Variants in IMMP2L observed in about 807,000 individuals in gnomAD.
IMMP2L encodes the protein mitochondrial inner membrane protease subunit 2.
A neutral mutation model predicts 19.3 loss-of-function variants in IMMP2L; 18 were observed. The observed-to-expected ratio is 0.93, with a 90% confidence interval of 0.64 to 1.38. IMMP2L has a LOEUF of 1.38. Ranked by LOEUF, IMMP2L falls within the 40% of genes most tolerant of loss-of-function variation. The probability of loss-of-function intolerance (pLI) is 0.00; values close to 1 mark genes in which losing one functional copy is unlikely to be tolerated. For missense variants in IMMP2L, 233 were observed against 218.2 expected (o/e 1.07, Z -0.43); for synonymous variants, 76 against 73.0 (o/e 1.04, Z -0.21).
intron 3 of IMMP2L, among the ~76,000 whole-genome samples, chr7:111,433,489 C>T (rs1836841707): frequency 6.6e-6 from 1 of 151,698 alleles, no homozygotes; most frequent in African/African-American, 2.4e-5. Flanking sequence ...ACCATCAGAT[C>T]CTGTGAGAGT....
chr7:111,144,613 A>C lies in IMMP2L; in HGVS notation c.240-181048T>G, dbSNP rs945730614. ...ACTTACGCTTATTTAAGAGTTGCTG[A>C]GTTAAAACATATTAAATCCACGGGG... On this transcript the variant is annotated intron_variant, in intron 3 of 5. Transcript: ENST00000405709. Among the ~76,000 whole-genome samples the C allele has an allele frequency of 1.2e-4, 18 of 152,128 alleles. No individual in the cohort carries two copies. The East Asian group carries it at 1.5e-3, about 13-fold the overall frequency.
intron 2 of IMMP2L, among the ~76,000 whole-genome samples, chr7:111,512,979 GAAACTGT>G (rs1845583343): frequency 1.3e-5 from 2 of 152,080 alleles, no homozygotes; most frequent in East Asian, 3.9e-4. Context: ...GATGATGCCT[GAAACTGT>G]AAAACTACCT....
intron 5 of IMMP2L, among the ~76,000 whole-genome samples, chr7:110,862,213 AT>A (rs199690561): frequency 6.6e-6 from 1 of 151,366 alleles, no homozygotes; most frequent in Non-Finnish European, 1.5e-5. Flanking sequence ...TTTAAAGTCA[AT>A]TTTTTTTAAT....
At chr7:111,325,261 T>C (rs1035238560) in intron 3 of IMMP2L, among the ~76,000 whole-genome samples, 6 of 151,758 alleles carry the variant, frequency 4.0e-5, no homozygotes, top group Non-Finnish European at 7.4e-5. Context: ...TGATTAATGG[T>C]AGCAATCTTG....
At chr7:111,103,022 G>A (rs1008711809) in intron 3 of IMMP2L, among the ~76,000 whole-genome samples, 8 of 151,426 alleles carry the variant, frequency 5.3e-5, no homozygotes, top group African/African-American at 1.9e-4. Context: ...TCTTTTTTAA[G>A]ACTACAGTGT....
rs1169101332 is a variant in IMMP2L at position 110,925,393 on chromosome 7, T to G, written c.305+38107A>C. ...AGAACCTATCCCCCGGATACTCTCA[T>G]AGCTGTACCAGGACACACACTTGTT... On this transcript the variant is annotated intron_variant, in intron 4 of 5. Coordinates refer to ENST00000405709, the MANE Select transcript of IMMP2L (RefSeq NM_032549.4). Among the ~76,000 whole-genome samples the G allele has an allele frequency of 2.0e-5, 3 of 152,118 alleles. No individual in the cohort carries two copies. In the South Asian group the frequency reaches 6.2e-4, roughly 31 times the overall value.
intron 3 of IMMP2L, among the ~76,000 whole-genome samples, chr7:110,997,526 G>T (rs754669506): frequency 6.6e-5 from 10 of 152,042 alleles, no homozygotes; most frequent in African/African-American, 2.2e-4. Flanking sequence ...CAAGCATTTG[G>T]TGTTGTCACT....
At position 110,949,936 on chromosome 7, in the gene IMMP2L, C is replaced by T. The variant is rs149744261; in HGVS notation, c.305+13564G>A. ...CATGTAAGAAACAAGCACATATACC[C>T]TATGAATCTAAAATAAAAATTTTTA... On this transcript the variant is annotated intron_variant, in intron 4 of 5. Coordinates refer to ENST00000405709, the MANE Select transcript of IMMP2L (RefSeq NM_032549.4). Among the ~76,000 whole-genome samples, 5 of 152,218 alleles carry T rather than the reference C, an allele frequency of 3.3e-5. No homozygotes were observed. The East Asian group carries it at 9.6e-4, about 29-fold the overall frequency.
chr7:111,042,005 G>A (rs1476828933), intron 3 of IMMP2L, among the ~76,000 whole-genome samples: 1 of 152,186 alleles, frequency 6.6e-6, no homozygotes, highest in Non-Finnish European at 1.5e-5. Context: ...TTATAAGGGT[G>A]AAATGAACTT....
chr7:110,664,587 C>T (rs1457582696), intron 5 of IMMP2L, among the ~76,000 whole-genome samples: 3 of 152,040 alleles, frequency 2.0e-5, no homozygotes, highest in Non-Finnish European at 2.9e-5. Context: ...TTTCGGTGAA[C>T]AGGAGAACAT....
chr7:111,214,785 T>C (rs1586866286), intron 3 of IMMP2L, among the ~76,000 whole-genome samples: 1 of 134,958 alleles, frequency 7.4e-6, no homozygotes, highest in African/African-American at 2.7e-5. Flanking sequence ...CATAACCATG[T>C]AAAAAAAAAA....
intron 5 of IMMP2L, among the ~76,000 whole-genome samples, chr7:110,679,728 CCTCT>C (rs1233319861): frequency 2.0e-5 from 3 of 152,156 alleles, no homozygotes; most frequent in Non-Finnish European, 4.4e-5. Flanking sequence ...TAAACATCTC[CCTCT>C]ACTTCCCTTT....
At chr7:111,423,042 C>T (rs1001265389) in intron 3 of IMMP2L, among the ~76,000 whole-genome samples, 4 of 151,822 alleles carry the variant, frequency 2.6e-5, no homozygotes, top group African/African-American at 4.9e-5. Flanking sequence ...ATATATTGAA[C>T]CAGCCTTGCA....
At chr7:111,033,510 A>G (rs1425126863) in intron 3 of IMMP2L, among the ~76,000 whole-genome samples, 3 of 152,246 alleles carry the variant, frequency 2.0e-5, no homozygotes, top group Non-Finnish European at 4.4e-5. Context: ...TCCATACAAC[A>G]GCCCTCACAG....
At chr7:110,675,629 C>T (rs1231821553) in intron 5 of IMMP2L, among the ~76,000 whole-genome samples, 2 of 152,132 alleles carry the variant, frequency 1.3e-5, no homozygotes, top group Non-Finnish European at 2.9e-5. Context: ...GTTAGGTCAG[C>T]AATGACCAAT....
intron 3 of IMMP2L, among the ~76,000 whole-genome samples, chr7:111,222,021 A>G (rs961909590): frequency 6.6e-6 from 1 of 151,966 alleles, no homozygotes; most frequent in Non-Finnish European, 1.5e-5. Context: ...CCTACCCAAG[A>G]CTAATTACAA....
chr7:111,501,061 G>A (rs1162818944), intron 2 of IMMP2L, among the ~76,000 whole-genome samples: 1 of 152,062 alleles, frequency 6.6e-6, no homozygotes, highest in East Asian at 1.9e-4. Flanking sequence ...TGGCAAAGAA[G>A]TTAAAAACTT....
chr7:111,468,285 C>A (rs575985262), intron 3 of IMMP2L, among the ~76,000 whole-genome samples: 1 of 151,986 alleles, frequency 6.6e-6, no homozygotes, highest in South Asian at 2.1e-4. Flanking sequence ...GTTATTAACC[C>A]TTGCTTCCCA....
intron 3 of IMMP2L, among the ~76,000 whole-genome samples, chr7:111,453,384 T>C (rs1401261783): frequency 6.6e-6 from 1 of 152,170 alleles, no homozygotes; most frequent in Non-Finnish European, 1.5e-5. Flanking sequence ...CTCTTCTGAT[T>C]TTCCACTGAT....
Sources: gnomAD v4.1 joint callset for allele counts (sites outside exome capture counted in the v4.1 genomes callset) on GRCh38, gnomAD v4.1.1 for gene constraint, MANE v1.5 for transcripts, NCBI Gene and HGNC (gene_info 2026-07-23, HGNC 2026-07-21) for gene names.